The following DNAH8 variants were observed in gnomAD, a reference collection of about 807,000 sequenced individuals.
DNAH8 encodes axonemal beta dynein heavy chain 8.
In DNAH8, 382 loss-of-function variants were observed where a neutral mutation model predicts 562.1. That is an observed-to-expected ratio of 0.68 (90% CI 0.63 to 0.74). DNAH8 has a LOEUF of 0.74. Ranked by LOEUF, DNAH8 falls within the 30% of genes least tolerant of loss-of-function variation. The pLI is 0.00. For missense variants in DNAH8, 5,203 were observed against 5,620.4 expected (o/e 0.93, Z 2.37); for synonymous variants, 1,881 against 1,919.4 (o/e 0.98, Z 0.52).
At position 38,931,915 on chromosome 6, in the gene DNAH8, G is replaced by A. The variant is rs112903128; in HGVS notation, c.11379G>A (p.Thr3793=). 2,734 of 1,611,160 alleles carry A rather than the reference G, an allele frequency of 1.7e-3. 3 individuals carry two copies. Among genetic ancestry groups the A allele is most frequent in the Non-Finnish European group, 2.1e-3 (2,515 of 1,178,710 alleles). The change falls in exon 76 of 93, where the codon ACG becomes ACA. Residue 3793 remains threonine, a synonymous_variant. Coordinates refer to ENST00000327475, the MANE Select transcript of DNAH8 (RefSeq NM_001206927.2). ...PAFTPEINAK[T]SVIDFTVTMK... ...TTACCCCAGAGATTAATGCTAAAAC[G>A]TCAGTCATTGATTTCACTGTTACAA... is the stretch of plus-strand genomic sequence containing the variant.
At chr6:38,952,897 C>T (rs542235535) in intron 82 of DNAH8, among the ~76,000 whole-genome samples, 2 of 152,296 alleles carry the variant, frequency 1.3e-5, no homozygotes, top group South Asian at 2.1e-4. Flanking sequence ...GCACACCAGC[C>T]GTCTGAGTTT....
Position 38,842,667 on chromosome 6 carries a change from C to A in DNAH8, c.4609C>A (p.Arg1537Ser). Residue 1537 changes from arginine to serine, a missense_variant, in exon 35 of 93, where the codon CGT (arginine) becomes AGT (serine). By Grantham distance (110) the Arg-to-Ser change is moderately radical (BLOSUM62 -1). Around this residue, in one of 6 missense-constraint regions of DNAH8, gnomAD observed 2,176 missense variants for 2,365.1 expected, o/e 0.92. Transcript: ENST00000327475. Reference protein sequence around the residue: ...AELLEFQNRCRKLPKGLKDWQ... With the variant: ...AELLEFQNRCSKLPKGLKDWQ... ...TTTTCTCTTTCTTTCTGAAAGATGT[C>A]GTAAACTTCCAAAAGGACTTAAAGA... The A allele has an allele frequency of 1.2e-6, 2 of 1,609,498 alleles. No individual in the cohort carries two copies. The highest frequency in any genetic ancestry group is 2.2e-5 in the South Asian group (2 of 89,300).
At chr6:38,899,427 T>A (rs1167253234) in intron 61 of DNAH8, among the ~76,000 whole-genome samples, 1 of 152,226 alleles carries the variant, frequency 6.6e-6, no homozygotes, top group African/African-American at 2.4e-5. Flanking sequence ...ATTTCTTATA[T>A]CTTCTGCAGA....
rs58784448 is a variant in DNAH8 at position 38,772,971 on chromosome 6, C to CTTTTTTTTTTTTTTTTTT, written c.1764+2422_1764+2439dup. On this transcript the variant is annotated intron_variant, in intron 12 of 92. Transcript: ENST00000327475. Reference sequence around the variant, plus strand: ...ATACCACCATGCCTAGCTAATTAAACTTTTTTTTTTTTTTTTTTTTTTTTT... The same window carrying CTTTTTTTTTTTTTTTTTT: ...ATACCACCATGCCTAGCTAATTAAACTTTTTTTTTTTTTTTTTTTTTTTTTTTTTTTTTTTTTTTTTTT... Among the ~76,000 whole-genome samples the CTTTTTTTTTTTTTTTTTT allele has an allele frequency of 1.2e-3, 109 of 88,070 alleles. 10 individuals carry two copies. The highest frequency in any genetic ancestry group is 1.7e-3 in the Non-Finnish European group (82 of 47,948). 57.8% of individuals were successfully genotyped at this position (88,070 alleles called of 152,430 possible).
At chr6:38,842,583 A>C (rs897362431) in intron 34 of DNAH8, 78 bp downstream of exon 34, 1 of 1,577,044 alleles carries the variant, frequency 6.3e-7, no homozygotes, top group Non-Finnish European at 8.6e-7. Flanking sequence ...TTTATTCCCT[A>C]ATATAATAGT....
chr6:38,810,848 G>A (rs1407658219), intron 24 of DNAH8, among the ~76,000 whole-genome samples: 3 of 152,132 alleles, frequency 2.0e-5, no homozygotes, highest in Non-Finnish European at 4.4e-5. Context: ...GAGGATCTGT[G>A]AGAGGTAGAC....
Position 38,739,913 on chromosome 6 carries a change from T to C in DNAH8, c.1117-1798T>C, listed in dbSNP as rs558574861. 4.6e-5 allele frequency among the ~76,000 whole-genome samples: 7 copies of C among 152,294 alleles called. No homozygotes were observed. The East Asian group carries it at 1.3e-3, about 29-fold the overall frequency. ...TGTATGATGGGAGGCAGAAATCTAA[T>C]TTTGTGTTTTTCATGTACCTGTAGT... On this transcript the variant is annotated intron_variant, in intron 7 of 92. Transcript: ENST00000327475.
At chr6:38,955,455 A>C (rs746905258) in intron 82 of DNAH8, among the ~76,000 whole-genome samples, 5 of 151,674 alleles carry the variant, frequency 3.3e-5, no homozygotes, top group Non-Finnish European at 2.9e-5. Flanking sequence ...ACATGGCAAA[A>C]CCCCATGTCT....
intron 82 of DNAH8, among the ~76,000 whole-genome samples, chr6:38,959,827 A>G (rs1762493341): frequency 6.6e-6 from 1 of 152,070 alleles, no homozygotes; most frequent in East Asian, 1.9e-4. Flanking sequence ...GAGCATTAAA[A>G]AAAAAAGTTT....
chr6:38,958,369 A>G (rs563964527), intron 82 of DNAH8, among the ~76,000 whole-genome samples: 4 of 151,470 alleles, frequency 2.6e-5, no homozygotes, highest in Admixed American at 2.6e-4. Context: ...AAATGATAAA[A>G]TCAGTACACC....
rs138030174 is a variant in DNAH8, at chr6:38,938,105, C to T, written c.11695C>T (p.Arg3899Trp). 1.1e-4 allele frequency: 184 copies of T among 1,613,856 alleles called. No individual in the cohort carries two copies. The African/African-American group carries it at 1.5e-3, about 14-fold the overall frequency. The change falls in exon 78 of 93, where the codon CGG becomes TGG. Residue 3899 changes from arginine (R) to tryptophan (W), a missense_variant. Transcript: ENST00000327475. ...IKINAAQEEF[R>W]PAATRGSILY... ...GATCAACGCGGCTCAGGAGGAGTTC[C>T]GGCCCGCAGCCACCCGCGGAAGCAT...
chr6:38,992,855 T>G lies in DNAH8; in HGVS notation c.13214+2683T>G, dbSNP rs146195011. Among the ~76,000 whole-genome samples, 3 of 152,344 alleles carry G rather than the reference T, an allele frequency of 2.0e-5. No individual in the cohort carries two copies. The East Asian group carries it at 5.8e-4, about 29-fold the overall frequency. ...TCCTTGACTTTTTATTTGGAATGAT[T>G]ACAAACTCTCAGAAAAGTTGCACAT... On this transcript the variant is annotated intron_variant, in intron 88 of 92. Coordinates refer to ENST00000327475, the MANE Select transcript of DNAH8 (RefSeq NM_001206927.2).
At position 38,951,349 on chromosome 6, in the gene DNAH8, G is replaced by A. The variant is rs1340806081; in HGVS notation, c.12280G>A (p.Ala4094Thr). The change falls in exon 82 of 93, where the codon GCA (alanine) becomes ACA (threonine). Residue 4094 changes from alanine (A) to threonine (T), a missense_variant. By Grantham distance (58) the Ala-to-Thr change is moderately conservative. Around this residue, in one of 6 missense-constraint regions of DNAH8, gnomAD observed 1,399 missense variants for 1,518.4 expected, o/e 0.92. Transcript: ENST00000327475. ...GTGCCCAGACCGTACTGTTTTTCAA[G>A]CAAGAAAGTATATTGCAGATTCTTT... ...SWCPDRTVFQ[A>T]RKYIADSLEE... The A allele has an allele frequency of 2.5e-6, 4 of 1,614,156 alleles. No individual in the cohort carries two copies. The Admixed American group carries it at 6.7e-5, about 27-fold the overall frequency.
Position 38,781,227 on chromosome 6 carries a change from AC to A in DNAH8, c.2140-26del, listed in dbSNP as rs1562761639. On this transcript the variant is annotated intron_variant, in intron 15 of 92. Transcript: ENST00000327475. ...GCCTTCTCCCTTGTATTGAATTCAAACATTAACATCAGATTTTTAATTACAG... is the reference window on the plus strand; with the variant it reads ...GCCTTCTCCCTTGTATTGAATTCAAAATTAACATCAGATTTTTAATTACAG... 4.3e-6 allele frequency: 7 copies of A among 1,612,610 alleles called. No homozygotes were observed. The South Asian group carries it at 7.7e-5, about 18-fold the overall frequency.
At chr6:38,989,670 G>T (rs1341171773) in intron 87 of DNAH8, among the ~76,000 whole-genome samples, 12 of 152,268 alleles carry the variant, frequency 7.9e-5, no homozygotes, top group Admixed American at 3.3e-4. Flanking sequence ...GTGTGTGGGA[G>T]TATGGCCTCA....
At chr6:38,829,094 A>G (rs1218377974) in intron 30 of DNAH8, among the ~76,000 whole-genome samples, 2 of 152,186 alleles carry the variant, frequency 1.3e-5, no homozygotes, top group East Asian at 3.8e-4. Flanking sequence ...GAGATAGAGC[A>G]TGTTTTCATG....
intron 91 of DNAH8, among the ~76,000 whole-genome samples, chr6:39,015,122 T>G (rs1348842928): frequency 6.6e-6 from 1 of 152,036 alleles, no homozygotes; most frequent in African/African-American, 2.4e-5. Flanking sequence ...GACTTGGAGT[T>G]GGGAGAGGCG....
In DNAH8 at chr6:38,783,104, C is replaced by T; in HGVS notation, c.2360C>T (p.Thr787Ile). Reference protein sequence around the residue: ...VLVEFEVVYHTAWIREISQLH... With the variant: ...VLVEFEVVYHIAWIREISQLH... ...GTGGAATTCGAGGTGGTCTATCACACAGCCTGGATCAGAGAGATTTCACAG... is the reference window on the plus strand; with the variant it reads ...GTGGAATTCGAGGTGGTCTATCACATAGCCTGGATCAGAGAGATTTCACAG... The change falls in exon 17 of 93, where the codon ACA (threonine) becomes ATA (isoleucine). Residue 787 changes from threonine to isoleucine, a missense_variant. Thr to Ile is a moderately conservative substitution (Grantham distance 89). Transcript: ENST00000327475. 1.2e-6 allele frequency: 2 copies of T among 1,614,018 alleles called. No homozygotes were observed. The highest frequency in any genetic ancestry group is 2.2e-5 in the East Asian group (1 of 44,874).
intron 26 of DNAH8, among the ~76,000 whole-genome samples, chr6:38,817,927 A>G: frequency 6.6e-6 from 1 of 152,230 alleles, no homozygotes; most frequent in East Asian, 1.9e-4. Flanking sequence ...ATCAAAATCC[A>G]AAAAATATAA....
Sources: gnomAD v4.1 joint callset for allele counts (sites outside exome capture counted in the v4.1 genomes callset) on GRCh38, gnomAD v4.1.1 for gene constraint, gnomAD v4.1.1 regional missense constraint, MANE v1.5 for transcripts, NCBI Gene and HGNC (gene_info 2026-07-23, HGNC 2026-07-21) for gene names.